The following FXN variants were observed in gnomAD, a reference collection of about 807,000 sequenced individuals.
FXN encodes the protein frataxin, mitochondrial.
FXN carries 14 observed loss-of-function variants against 22.4 expected under a neutral mutation model. The observed-to-expected ratio is 0.62, with a 90% CI of 0.41 to 0.98. The LOEUF is 0.98. Among genes scored for constraint, FXN ranks in the 50% least tolerant of loss-of-function variants. The probability of loss-of-function intolerance (pLI) is 0.00; values close to 1 mark genes in which losing one functional copy is unlikely to be tolerated. For missense variants in FXN, 267 were observed against 268.4 expected, an observed-to-expected ratio of 0.99 and a Z score of 0.04; for synonymous variants, 120 against 114.1, an observed-to-expected ratio of 1.05 and a Z score of -0.33.
chr9:69,036,063 G>C (rs1335071553), intron 1 of FXN, 116 bp downstream of exon 1: 2 of 901,276 alleles, frequency 2.2e-6, no homozygotes, highest in Non-Finnish European at 2.9e-6. Flanking sequence ...CGCTGGACTA[G>C]CTCACCCCGC....
In FXN at chr9:69,078,116, A is replaced by G; in HGVS notation, c.*5354A>G. On this transcript the variant is annotated 3_prime_UTR_variant, in exon 5 of 5. Transcript: ENST00000484259. ...AGAAAGAAAAACTTTAAATCCCTCC[A>G]AAGCTCAAAAGTAATAGAAACAGAT... 1.0e-6 allele frequency: 1 copy of G among 985,482 alleles called. No individual in the cohort carries two copies. Among genetic ancestry groups the G allele is most frequent in the Non-Finnish European group, 1.2e-6 (1 of 829,942 alleles). The allele number at this position is 985,482 out of a possible 1,614,324, so 61.0% of individuals were successfully genotyped here.
intron 2 of FXN, among the ~76,000 whole-genome samples, chr9:69,046,799 C>T (rs567401064): frequency 2.6e-5 from 4 of 152,272 alleles, no homozygotes; most frequent in South Asian, 4.2e-4. Flanking sequence ...AAACCAATAA[C>T]GTTTGTGTCC....
chr9:69,037,889 T>G (rs1013914466), intron 1 of FXN, among the ~76,000 whole-genome samples: 9 of 152,184 alleles, frequency 5.9e-5, no homozygotes, highest in Admixed American at 1.3e-4. Flanking sequence ...CAACCTCAGG[T>G]GATCCGCCCA....
Position 69,074,479 on chromosome 9 carries a change from A to G in FXN, c.*1717A>G. The G allele has an allele frequency of 1.0e-6, 1 of 980,654 alleles. No homozygotes were observed. The highest frequency in any genetic ancestry group is 1.2e-6 in the Non-Finnish European group (1 of 826,146). The allele number at this position is 980,654 out of a possible 1,614,324, so 60.7% of individuals were successfully genotyped here. On this transcript the variant is annotated 3_prime_UTR_variant, in exon 5 of 5. Coordinates refer to ENST00000484259, the MANE Select transcript of FXN (RefSeq NM_000144.5). ...ACCCCAGGCGGAGGAGGTTACAGTGAGTCGAGATCGTACCTGAGCGACAGA... is the reference window on the plus strand; with the variant it reads ...ACCCCAGGCGGAGGAGGTTACAGTGGGTCGAGATCGTACCTGAGCGACAGA...
Position 69,077,071 on chromosome 9 carries a change from AC to A in FXN, c.*4312del. The stretch of plus-strand genomic sequence containing the variant: ...TGGGATTACAGGTGCCTGCCACCAC[AC>A]CCGGCTAATTTTTGTATTTTTAGTA... On this transcript the variant is annotated 3_prime_UTR_variant, in exon 5 of 5. Transcript: ENST00000484259. 1 of 450,688 alleles carries A rather than the reference AC, an allele frequency of 2.2e-6. No individual in the cohort carries two copies. The highest frequency in any genetic ancestry group is 1.6e-4 in the East Asian group (1 of 6,406). The allele number at this position is 450,688 out of a possible 1,614,324, so 27.9% of individuals were successfully genotyped here. A position where few individuals can be genotyped will look rare whatever the true frequency, so the allele number is the denominator to read the frequency against.
At chr9:69,061,534 T>C (rs917791290) in intron 3 of FXN, among the ~76,000 whole-genome samples, 14 of 152,122 alleles carry the variant, frequency 9.2e-5, no homozygotes, top group Non-Finnish European at 2.1e-4. Flanking sequence ...TTTTTATTAT[T>C]ATACTTTAAG....
rs1394759067 is a variant in FXN at position 69,077,624 on chromosome 9, T to C, written c.*4862T>C. 13 of 985,334 alleles carry C rather than the reference T, an allele frequency of 1.3e-5. No individual in the cohort carries two copies. Among genetic ancestry groups the C allele is most frequent in the African/African-American group, 1.7e-5 (1 of 57,220 alleles). 61.0% of individuals were successfully genotyped at this position (985,334 alleles called of 1,614,324 possible). On this transcript the variant is annotated 3_prime_UTR_variant, in exon 5 of 5. Coordinates refer to ENST00000484259, the MANE Select transcript of FXN (RefSeq NM_000144.5). ...GTGGGAACATTGTTAACGCCACATC[T>C]TGACCTCAAATTGTTTAGCTCCTGG...
At chr9:69,052,823 T>C (rs1831877893) in intron 2 of FXN, among the ~76,000 whole-genome samples, 1 of 151,856 alleles carries the variant, frequency 6.6e-6, no homozygotes, top group African/African-American at 2.4e-5. Context: ...ATTACAGGCA[T>C]GAGCTACCAC....
At chr9:69,041,539 G>C (rs1831656595) in intron 1 of FXN, among the ~76,000 whole-genome samples, 1 of 152,216 alleles carries the variant, frequency 6.6e-6, no homozygotes, top group Non-Finnish European at 1.5e-5. Flanking sequence ...GCTGGGCAAA[G>C]GGGCAGCCAA....
rs766673048 is a variant in FXN, at chr9:69,072,773, C to G, written c.*11C>G. ...GGAAAAGATGCTTGATGCCCAGCCC[C>G]GTTTTAAGGACATTAAAAGCTATCA... On this transcript the variant is annotated 3_prime_UTR_variant, in exon 5 of 5. Coordinates refer to ENST00000484259, the MANE Select transcript of FXN (RefSeq NM_000144.5). 7 of 1,614,080 alleles carry G rather than the reference C, an allele frequency of 4.3e-6. No homozygotes were observed. Among genetic ancestry groups the G allele is most frequent in the Non-Finnish European group, 5.9e-6 (7 of 1,180,034 alleles).
rs555152684 is a variant in FXN, at chr9:69,077,575, T to C, written c.*4813T>C. 3 of 985,368 alleles carry C rather than the reference T, an allele frequency of 3.0e-6. No individual in the cohort carries two copies. Among genetic ancestry groups the C allele is most frequent in the Admixed American group, 1.2e-4 (2 of 16,270 alleles). The allele number at this position is 985,368 out of a possible 1,614,324, so 61.0% of individuals were successfully genotyped here. Reference sequence around the variant, plus strand: ...GTACTAGTGCAAGAAGGGCCTCTGCTGTCCACTTGTGTTTCTGTGATCTGT... The same window carrying C: ...GTACTAGTGCAAGAAGGGCCTCTGCCGTCCACTTGTGTTTCTGTGATCTGT... On this transcript the variant is annotated 3_prime_UTR_variant, in exon 5 of 5. Coordinates refer to ENST00000484259, the MANE Select transcript of FXN (RefSeq NM_000144.5).
intron 4 of FXN, among the ~76,000 whole-genome samples, chr9:69,068,122 C>T (rs1476413688): frequency 1.3e-5 from 2 of 152,142 alleles, no homozygotes; most frequent in African/African-American, 4.8e-5. Context: ...GGTAACGAGC[C>T]TCAGAAGGGA....
chr9:69,067,401 G>C (rs1429792640), intron 4 of FXN, among the ~76,000 whole-genome samples: 1 of 152,248 alleles, frequency 6.6e-6, no homozygotes, highest in Non-Finnish European at 1.5e-5. Context: ...CGTCGTCATT[G>C]TTTTTATACC....
Position 69,074,543 on chromosome 9 carries a change from A to C in FXN, c.*1781A>C, listed in dbSNP as rs1353510259. ...TCAAAAAAAAAAAAAAGGAGGGTTT[A>C]TTAATGAGAAGTTTGTATTAATATG... is the stretch of plus-strand genomic sequence containing the variant. On this transcript the variant is annotated 3_prime_UTR_variant, in exon 5 of 5. Transcript: ENST00000484259. 2.0e-6 allele frequency: 2 copies of C among 984,208 alleles called. No individual in the cohort carries two copies. The highest frequency in any genetic ancestry group is 2.4e-6 in the Non-Finnish European group (2 of 829,630). The allele number at this position is 984,208 out of a possible 1,614,324, so 61.0% of individuals were successfully genotyped here.
At chr9:69,054,007 G>A (rs1276824601) in intron 3 of FXN, among the ~76,000 whole-genome samples, 6 of 152,076 alleles carry the variant, frequency 3.9e-5, no homozygotes, top group African/African-American at 1.2e-4. Context: ...CAGCTAGTAT[G>A]AGAACTTGTT....
chr9:69,065,797 A>G (rs1473014523), intron 4 of FXN, among the ~76,000 whole-genome samples: 1 of 152,154 alleles, frequency 6.6e-6, no homozygotes, highest in East Asian at 1.9e-4. Context: ...GCTACTTTTG[A>G]CCTTGTAGCG....
At chr9:69,047,224 C>T (rs7047274) in intron 2 of FXN, among the ~76,000 whole-genome samples, 69,992 of 151,788 alleles carry the variant, frequency 0.46, 16,258 homozygotes, top group Non-Finnish European at 0.48. Flanking sequence ...GAGAGCCAAC[C>T]GATGCCCATG....
intron 4 of FXN, among the ~76,000 whole-genome samples, chr9:69,070,399 G>A (rs559498611): frequency 6.6e-6 from 1 of 152,292 alleles, no homozygotes; most frequent in East Asian, 1.9e-4. Context: ...CTGGCGCCCC[G>A]CCCACAGCTG....
In FXN at chr9:69,076,526, CTA is replaced by C; in HGVS notation, c.*3766_*3767del. ...TTGATCTTTTGCATACCTTCTAAAA[CTA>C]TTTTAGCCAATTTAAAATTTGACAG... On this transcript the variant is annotated 3_prime_UTR_variant, in exon 5 of 5. Transcript: ENST00000484259. 1 of 985,280 alleles carries C rather than the reference CTA, an allele frequency of 1.0e-6. No homozygotes were observed. Among genetic ancestry groups the C allele is most frequent in the Non-Finnish European group, 1.2e-6 (1 of 829,812 alleles). The allele number at this position is 985,280 out of a possible 1,614,324, so 61.0% of individuals were successfully genotyped here.
Sources: gnomAD v4.1 joint callset for allele counts (sites outside exome capture counted in the v4.1 genomes callset) on GRCh38, gnomAD v4.1.1 for gene constraint, MANE v1.5 for transcripts, NCBI Gene and HGNC (gene_info 2026-07-23, HGNC 2026-07-21) for gene names.